The following KCNAB1 variants were observed in gnomAD, a reference collection of about 807,000 sequenced individuals.
The protein encoded by KCNAB1 is potassium voltage-gated channel subfamily A regulatory beta subunit 1.
Under a neutral mutation model 64.6 loss-of-function variants are expected in KCNAB1, and 35 were observed. That is an observed-to-expected ratio of 0.54 (90% CI 0.41 to 0.72). The LOEUF is 0.72. KCNAB1 is among the 30% of genes least tolerant of loss of function. The probability of loss-of-function intolerance (pLI) is 0.00; values close to 1 mark genes in which losing one functional copy is unlikely to be tolerated. For synonymous variants in KCNAB1, 177 were observed against 183.8 expected (o/e 0.96, Z 0.30); for missense variants, 401 against 512.9 (o/e 0.78, Z 2.11).
At chr3:156,331,546 TA>T (rs920649940) in intron 1 of KCNAB1, among the ~76,000 whole-genome samples, 1 of 151,718 alleles carries the variant, frequency 6.6e-6, no homozygotes, top group Non-Finnish European at 1.5e-5. Context: ...TATAGACACA[TA>T]CATAATTTTA....
intron 1 of KCNAB1, among the ~76,000 whole-genome samples, chr3:156,357,618 T>C (rs1291196251): frequency 6.6e-6 from 1 of 152,216 alleles, no homozygotes; most frequent in East Asian, 1.9e-4. Flanking sequence ...ATGTGTAAAT[T>C]TAAGTTTTCT....
chr3:156,343,789 A>G (rs1353740777), intron 1 of KCNAB1, among the ~76,000 whole-genome samples: 1 of 152,248 alleles, frequency 6.6e-6, no homozygotes, highest in African/African-American at 2.4e-5. Flanking sequence ...CCTAATGGCT[A>G]ATTTACATAA....
chr3:156,221,989 T>G (rs2108416124), intron 1 of KCNAB1, among the ~76,000 whole-genome samples: 1 of 152,250 alleles, frequency 6.6e-6, no homozygotes, highest in Admixed American at 6.5e-5. Flanking sequence ...TCACAGGACC[T>G]ATATAACAAT....
chr3:156,399,049 T>C (rs1346762396), intron 1 of KCNAB1, among the ~76,000 whole-genome samples: 1 of 152,224 alleles, frequency 6.6e-6, no homozygotes, highest in Non-Finnish European at 1.5e-5. Context: ...CCCTCTTCCA[T>C]TCACATTGCC....
chr3:156,363,635 C>A (rs1725756174), intron 1 of KCNAB1, among the ~76,000 whole-genome samples: 3 of 152,074 alleles, frequency 2.0e-5, no homozygotes, highest in Non-Finnish European at 2.9e-5. Context: ...ACCACCACAC[C>A]CGGCTAATTT....
At chr3:156,329,579 G>C (rs997664026) in intron 1 of KCNAB1, among the ~76,000 whole-genome samples, 1 of 152,094 alleles carries the variant, frequency 6.6e-6, no homozygotes, top group Admixed American at 6.6e-5. Context: ...ATCCTAAGGG[G>C]GACACATGGA....
At chr3:156,133,605 CTGAATGATCCTGGAGTCTGT>C (rs2108268078) in intron 1 of KCNAB1, among the ~76,000 whole-genome samples, 1 of 152,290 alleles carries the variant, frequency 6.6e-6, no homozygotes, top group Non-Finnish European at 1.5e-5. Context: ...GCTTCTTGCC[CTGAATGATCCTGGAGTCTGT>C]TCAGGGAAGA....
intron 1 of KCNAB1, among the ~76,000 whole-genome samples, chr3:156,381,352 T>G (rs1712145206): frequency 6.6e-6 from 1 of 151,766 alleles, no homozygotes; most frequent in Admixed American, 6.6e-5. Flanking sequence ...TAGAGAAGAG[T>G]CCCAGTAGAG....
chr3:156,238,878 G>C (rs531519658), intron 1 of KCNAB1, among the ~76,000 whole-genome samples: 1 of 152,292 alleles, frequency 6.6e-6, no homozygotes, highest in South Asian at 2.1e-4. Flanking sequence ...ATTACTGTGA[G>C]AAATGTCTAC....
intron 1 of KCNAB1, among the ~76,000 whole-genome samples, chr3:156,405,460 A>C (rs1160067690): frequency 1.3e-5 from 2 of 152,214 alleles, no homozygotes; most frequent in African/African-American, 2.4e-5. Flanking sequence ...TTAGCAACTA[A>C]GAGGAGGTGG....
intron 2 of KCNAB1, among the ~76,000 whole-genome samples, chr3:156,451,311 C>T (rs543134395): frequency 6.6e-6 from 1 of 152,298 alleles, no homozygotes; most frequent in African/African-American, 2.4e-5. Context: ...TTATACCCTA[C>T]TTTTATTTTA....
At chr3:156,459,962 G>C in intron 5 of KCNAB1, 91 bp downstream of exon 5, 2 of 857,350 alleles carry the variant, frequency 2.3e-6, no homozygotes, top group South Asian at 3.2e-5. Flanking sequence ...CTGACCAAAA[G>C]GCTGTCAAAA....
chr3:156,125,832 G>C (rs1327983659), intron 1 of KCNAB1, among the ~76,000 whole-genome samples: 1 of 152,202 alleles, frequency 6.6e-6, no homozygotes, highest in African/African-American at 2.4e-5. Flanking sequence ...GGAGATCCAA[G>C]AGCTTAGAAG....
intron 1 of KCNAB1, chr3:156,382,235 G>A (rs185355283): frequency 2.0e-5 from 3 of 152,280 alleles, no homozygotes; most frequent in Admixed American, 2.0e-4. Flanking sequence ...TGTAATCCCA[G>A]CGCTTTGGGA....
At chr3:156,387,843 C>T (rs1197887495) in intron 1 of KCNAB1, among the ~76,000 whole-genome samples, 1 of 151,936 alleles carries the variant, frequency 6.6e-6, no homozygotes, top group Non-Finnish European at 1.5e-5. Context: ...TTTTTAAAAT[C>T]CAAACCATTA....
chr3:156,182,437 A>C (rs1712874973), intron 1 of KCNAB1, among the ~76,000 whole-genome samples: 1 of 152,188 alleles, frequency 6.6e-6, no homozygotes, highest in Non-Finnish European at 1.5e-5. Context: ...ACATTGACCT[A>C]GGGACATCCT....
At chr3:156,234,294 G>A (rs1282729107) in intron 1 of KCNAB1, among the ~76,000 whole-genome samples, 3 of 152,130 alleles carry the variant, frequency 2.0e-5, no homozygotes, top group African/African-American at 7.2e-5. Context: ...AAATGTGTCT[G>A]TGTGCCTATG....
intron 1 of KCNAB1, among the ~76,000 whole-genome samples, chr3:156,344,118 C>T (rs933686993): frequency 1.3e-5 from 2 of 152,164 alleles, no homozygotes; most frequent in Non-Finnish European, 2.9e-5. Flanking sequence ...ACAGATACCC[C>T]ACCCCCACAA....
chr3:156,387,717 G>A (rs569165221), intron 1 of KCNAB1, among the ~76,000 whole-genome samples: 8 of 152,170 alleles, frequency 5.3e-5, no homozygotes, highest in African/African-American at 1.9e-4. Context: ...TAACAAGCAG[G>A]GGCAATCTTG....
Sources: allele counts gnomAD v4.1 joint callset (sites outside exome capture counted in the v4.1 genomes callset), GRCh38; gene constraint gnomAD v4.1.1; transcripts MANE v1.5; gene names NCBI Gene and HGNC (gene_info 2026-07-23, HGNC 2026-07-21).